Variants in RSU1 observed in about 807,000 individuals in gnomAD.
The protein encoded by RSU1 is rsu-1.
Under a neutral mutation model 31.1 loss-of-function variants are expected in RSU1, and 26 were observed. That is an observed-to-expected ratio of 0.84 (90% CI 0.61 to 1.16). The LOEUF (loss-of-function observed/expected upper bound fraction) is 1.16, where lower values mean the gene tolerates loss of function less well. Among genes scored for constraint, RSU1 ranks in the 50% most tolerant of loss-of-function variants. The pLI, the probability that RSU1 is intolerant of heterozygous loss-of-function variation, is 0.00. For synonymous variants in RSU1, 164 were observed against 136.3 expected (o/e 1.20, Z -1.41); for missense variants, 320 against 339.1 (o/e 0.94, Z 0.44).
intron 7 of RSU1, among the ~76,000 whole-genome samples, chr10:16,747,265 T>C (rs1351974729): frequency 6.6e-6 from 1 of 152,194 alleles, no homozygotes; most frequent in Non-Finnish European, 1.5e-5. Flanking sequence ...ATCCAATTTG[T>C]ACTCTTAAAT....
At chr10:16,752,351 G>C (rs1047318133) in intron 7 of RSU1, among the ~76,000 whole-genome samples, 188 bp downstream of exon 7, 3 of 152,160 alleles carry the variant, frequency 2.0e-5, no homozygotes, top group Non-Finnish European at 4.4e-5. Flanking sequence ...GCAGAACACA[G>C]GATCCGGGAA....
intron 8 of RSU1, among the ~76,000 whole-genome samples, chr10:16,660,925 G>A (rs1188403693): frequency 6.6e-6 from 1 of 152,030 alleles, no homozygotes; most frequent in Admixed American, 6.6e-5. Context: ...TGGGATTACA[G>A]GTGTGAGCCA....
intron 3 of RSU1, among the ~76,000 whole-genome samples, chr10:16,766,548 C>G (rs1235213373): frequency 6.6e-6 from 1 of 152,150 alleles, no homozygotes; most frequent in Non-Finnish European, 1.5e-5. Context: ...AACTCTGACT[C>G]TACTAAAAAT....
intron 1 of RSU1, 60 bp downstream of exon 1, chr10:16,817,255 C>T (rs1408291777): frequency 9.6e-6 from 4 of 415,282 alleles, no homozygotes; most frequent in Non-Finnish European, 1.6e-5. Flanking sequence ...GGGAAGGGTT[C>T]AGCCCCGCTG....
intron 8 of RSU1, among the ~76,000 whole-genome samples, chr10:16,617,557 G>A (rs1833998609): frequency 1.3e-5 from 2 of 152,294 alleles, no homozygotes; most frequent in South Asian, 4.2e-4. Context: ...GAACAAAGCT[G>A]GAGGCATCAT....
At chr10:16,728,477 A>G (rs1312195842) in intron 7 of RSU1, among the ~76,000 whole-genome samples, 1 of 152,242 alleles carries the variant, frequency 6.6e-6, no homozygotes, top group Admixed American at 6.5e-5. Flanking sequence ...CTCATCCAGA[A>G]GATGACACAT....
At chr10:16,758,602 G>A (rs530223436) in intron 4 of RSU1, among the ~76,000 whole-genome samples, 2 of 152,328 alleles carry the variant, frequency 1.3e-5, no homozygotes, top group South Asian at 4.1e-4. Flanking sequence ...ACTATAAAAT[G>A]AGGCTGACAA....
At chr10:16,641,491 CAAAAAAA>C (rs59893762) in intron 8 of RSU1, among the ~76,000 whole-genome samples, 1 of 114,352 alleles carries the variant, frequency 8.7e-6, no homozygotes, top group African/African-American at 3.0e-5. Flanking sequence ...GACTTTATCT[CAAAAAAA>C]AAAAAAAAAA....
chr10:16,606,029 A>G (rs541123707), intron 8 of RSU1, among the ~76,000 whole-genome samples: 1 of 152,250 alleles, frequency 6.6e-6, no homozygotes, highest in South Asian at 2.1e-4. Flanking sequence ...CTGGGATTAC[A>G]GGCACACCTT....
intron 2 of RSU1, among the ~76,000 whole-genome samples, chr10:16,802,368 C>T (rs1838175510): frequency 6.6e-6 from 1 of 151,992 alleles, no homozygotes; most frequent in African/African-American, 2.4e-5. Flanking sequence ...TACCAAAATT[C>T]ACACAGGAAG....
chr10:16,817,267 G>A, intron 1 of RSU1, 48 bp downstream of exon 1: 2 of 544,184 alleles, frequency 3.7e-6, no homozygotes, highest in Admixed American at 3.2e-5. Flanking sequence ...GCCCCGCTGC[G>A]GCCACGCAGC....
At chr10:16,786,939 C>A (rs559651256) in intron 2 of RSU1, among the ~76,000 whole-genome samples, 1 of 152,216 alleles carries the variant, frequency 6.6e-6, no homozygotes, top group East Asian at 1.9e-4. Flanking sequence ...GTTAAAAACG[C>A]CCCTGGTGGT....
chr10:16,792,675 T>G (rs1467375755), intron 2 of RSU1, among the ~76,000 whole-genome samples: 1 of 152,256 alleles, frequency 6.6e-6, no homozygotes, highest in East Asian at 1.9e-4. Context: ...AGTTGCACTG[T>G]AGACAGAACC....
At position 16,591,515 on chromosome 10, in the gene RSU1, T is replaced by C. The variant is rs898850647; in HGVS notation, c.*1879A>G. On this transcript the variant is annotated 3_prime_UTR_variant, in exon 9 of 9. Transcript: ENST00000345264. ...CAGTAGCCATGTGAAAGAATGTTTA[T>C]TTCATGTTACTCCTCTTGCACTTAA... The C allele has an allele frequency of 3.9e-5, 6 of 152,224 alleles. No individual in the cohort carries two copies. Among genetic ancestry groups the C allele is most frequent in the African/African-American group, 1.4e-4 (6 of 41,472 alleles). 9.4% of individuals were successfully genotyped at this position (152,224 alleles called of 1,614,324 possible).
At chr10:16,739,502 G>A (rs533033921) in intron 7 of RSU1, among the ~76,000 whole-genome samples, 12 of 117,270 alleles carry the variant, frequency 1.0e-4, no homozygotes, top group South Asian at 8.3e-4. Flanking sequence ...ACAGAGTCTC[G>A]CTCTGTCGCC....
chr10:16,693,249 C>T (rs375414396), intron 8 of RSU1, among the ~76,000 whole-genome samples: 14 of 152,140 alleles, frequency 9.2e-5, no homozygotes, highest in Admixed American at 5.9e-4. Flanking sequence ...CACCATGCTC[C>T]GGCTGGCCAT....
chr10:16,763,339 G>T (rs1312423305), intron 4 of RSU1, among the ~76,000 whole-genome samples: 8 of 152,170 alleles, frequency 5.3e-5, no homozygotes, highest in Non-Finnish European at 1.0e-4. Flanking sequence ...AGCTGCTTGT[G>T]GGGAAGTCTC....
chr10:16,801,277 A>C (rs1165033387), intron 2 of RSU1, among the ~76,000 whole-genome samples: 2 of 152,212 alleles, frequency 1.3e-5, no homozygotes, highest in African/African-American at 4.8e-5. Context: ...AAAGCAAGGA[A>C]GATTATCAGA....
chr10:16,789,463 C>T (rs150333936), intron 2 of RSU1, among the ~76,000 whole-genome samples: 32 of 152,290 alleles, frequency 2.1e-4, no homozygotes, highest in Admixed American at 3.9e-4. Context: ...CCCCACAAAG[C>T]CCGGTCAGGC....
Sources: gnomAD v4.1 joint callset for allele counts (sites outside exome capture counted in the v4.1 genomes callset) on GRCh38, gnomAD v4.1.1 for gene constraint, MANE v1.5 for transcripts, NCBI Gene and HGNC (gene_info 2026-07-23, HGNC 2026-07-21) for gene names.